Variants in PTPRS observed in about 807,000 individuals in gnomAD.
PTPRS encodes the protein protein tyrosine phosphatase receptor type S.
In PTPRS, 63 loss-of-function variants were observed where a neutral mutation model predicts 215.3. That is an observed-to-expected ratio of 0.29 (90% CI 0.24 to 0.36). The LOEUF is 0.36. Among genes scored for constraint, PTPRS ranks in the 10% least tolerant of loss-of-function variants. The pLI is 1.00. For synonymous variants in PTPRS, 1,404 were observed against 1,191.4 expected, an observed-to-expected ratio of 1.18 and a Z score of -3.68; for missense variants, 2,258 against 2,825.8, an observed-to-expected ratio of 0.80 and a Z score of 4.56.
At chr19:5,303,051 CAGAG>C (rs1268866453) in intron 1 of PTPRS, among the ~76,000 whole-genome samples, 28 of 152,150 alleles carry the variant, frequency 1.8e-4, no homozygotes, top group Admixed American at 1.6e-3. Context: ...GCCTGGGCGA[CAGAG>C]AGAGACCCCG....
rs1010969539 is a variant in PTPRS, at chr19:5,270,744, C to T, written c.379+2698G>A. ...CCTCCGCCTCCCGGGTTCAAGCAAT[C>T]CTCCTACCTCAGCCTCCCAAGAATC... On this transcript the variant is annotated intron_variant, in intron 4 of 37. Transcript: ENST00000262963. Among the ~76,000 whole-genome samples the T allele has an allele frequency of 7.4e-4, 113 of 152,242 alleles. 1 individual carries two copies. The highest frequency in any genetic ancestry group is 2.5e-3 in the African/African-American group (105 of 41,548).
At chr19:5,213,273 G>C (rs2041098108) in intron 30 of PTPRS, among the ~76,000 whole-genome samples, 1 of 143,900 alleles carries the variant, frequency 6.9e-6, no homozygotes, top group Non-Finnish European at 1.6e-5. Flanking sequence ...GTCAGATCTG[G>C]TACCTCCTCT....
rs185085320 is a variant in PTPRS, at chr19:5,238,068, G to C, written c.1849+851C>G. 1.6e-3 allele frequency among the ~76,000 whole-genome samples: 246 copies of C among 152,352 alleles called. 1 individual carries two copies. Among genetic ancestry groups the C allele is most frequent in the African/African-American group, 5.9e-3 (244 of 41,590 alleles). ...CTGACTGGGTGAAGGGAGGGAAGAG[G>C]GGGAAGCAGGGGGAGGCCACGACAG... On this transcript the variant is annotated intron_variant, in intron 13 of 37. Transcript: ENST00000262963.
At chr19:5,220,977 C>G (rs752110528) in intron 20 of PTPRS, 23 bp downstream of exon 20, 111 of 1,583,254 alleles carry the variant, frequency 7.0e-5, no homozygotes, top group Non-Finnish European at 8.9e-5. Flanking sequence ...GACAAGGAAC[C>G]CGGAGCATGG....
In PTPRS at chr19:5,208,231, G is replaced by T. The variant is rs1370103312; in HGVS notation, c.5642+6C>A. On this transcript the variant is annotated splice_donor_region_variant and intron_variant, in intron 36 of 37. Transcript: ENST00000262963. Reference sequence around the variant, plus strand: ...GCCAAAAGCTGGGACACTCGAGGGAGCTCACCTGCAGTGGACAGAGATGGG... The same window carrying T: ...GCCAAAAGCTGGGACACTCGAGGGATCTCACCTGCAGTGGACAGAGATGGG... The T allele has an allele frequency of 3.5e-5, 55 of 1,586,050 alleles. No homozygotes were observed. Among genetic ancestry groups the T allele is most frequent in the Non-Finnish European group, 4.7e-5 (55 of 1,163,712 alleles).
intron 11 of PTPRS, among the ~76,000 whole-genome samples, chr19:5,241,753 G>C (rs929770314): frequency 1.3e-5 from 2 of 152,264 alleles, no homozygotes; most frequent in African/African-American, 2.4e-5. Flanking sequence ...CAGAGAGCTG[G>C]GGTCCCCCAT....
intron 1 of PTPRS, among the ~76,000 whole-genome samples, chr19:5,312,671 A>T (rs1395172377): frequency 1.3e-5 from 2 of 152,194 alleles, no homozygotes; most frequent in Non-Finnish European, 2.9e-5. Context: ...TAAAAAAATT[A>T]AAAATAAAAA....
Position 5,209,216 on chromosome 19 carries a change from C to T in PTPRS, c.5488-825G>A, listed in dbSNP as rs547455965. Among the ~76,000 whole-genome samples the T allele has an allele frequency of 5.6e-4, 85 of 152,328 alleles. 1 individual carries two copies. The highest frequency in any genetic ancestry group is 1.1e-3 in the Non-Finnish European group (76 of 68,040). Reference sequence around the variant, plus strand: ...ACTGTCTTCATTCCCCACTACTCAACCATTCCTCTTTGCAGTCTCCTTTCC... The same window carrying T: ...ACTGTCTTCATTCCCCACTACTCAATCATTCCTCTTTGCAGTCTCCTTTCC... On this transcript the variant is annotated intron_variant, in intron 35 of 37. Transcript: ENST00000262963.
intron 1 of PTPRS, among the ~76,000 whole-genome samples, chr19:5,320,086 C>T (rs1171558395): frequency 6.6e-6 from 1 of 152,210 alleles, no homozygotes; most frequent in Non-Finnish European, 1.5e-5. Flanking sequence ...GTGGCTGCGG[C>T]CAAAGCAGCC....
Position 5,293,186 on chromosome 19 carries a change from G to C in PTPRS, c.-94-6952C>G, listed in dbSNP as rs1334295682. The C allele has an allele frequency of 6.6e-6, 1 of 151,686 alleles. No homozygotes were observed. Among genetic ancestry groups the C allele is most frequent in the Admixed American group, 6.6e-5 (1 of 15,264 alleles). 9.4% of individuals were successfully genotyped at this position (151,686 alleles called of 1,614,324 possible). A position where few individuals can be genotyped will look rare whatever the true frequency, so the allele number is the denominator to read the frequency against. ...CCCAGGCCCCGCGAGGCCTCCACAG[G>C]GCCCGCCGCAGCCGCTCCCCGCGTC... On this transcript the variant is annotated intron_variant, in intron 1 of 37. Transcript: ENST00000262963. The surrounding 1 kb of genome is among the most constrained non-coding windows in gnomAD (Gnocchi z 8.4).
intron 16 of PTPRS, among the ~76,000 whole-genome samples, chr19:5,226,618 A>G (rs965277213): frequency 6.6e-6 from 1 of 150,730 alleles, no homozygotes; most frequent in African/African-American, 2.4e-5. Context: ...GCGTGGTGGC[A>G]CATGCCTGTA....
chr19:5,260,161 T>C (rs542763559), intron 7 of PTPRS, among the ~76,000 whole-genome samples: 1 of 151,966 alleles, frequency 6.6e-6, no homozygotes, highest in East Asian at 1.9e-4. Flanking sequence ...AAGGCCCACT[T>C]TGCATGTTCG....
At position 5,206,842 on chromosome 19, in the gene PTPRS, C is replaced by T. The variant is rs1230180081; in HGVS notation, c.5779G>A (p.Asp1927Asn). 1 of 1,614,050 alleles carries T rather than the reference C, an allele frequency of 6.2e-7. No homozygotes were observed. Among genetic ancestry groups the T allele is most frequent in the Non-Finnish European group, 8.5e-7 (1 of 1,179,934 alleles). ...GCCTGGTAACAGAACTGGTACTCAT[C>T]CTGGGGGAGCAGAGGTGACCTGTTA... ...TQRPAMVQTE[D>N]EYQFCYQAAL... Residue 1927 changes from aspartate to asparagine, a missense_variant and splice_region_variant, in exon 38 of 38, where the codon GAT (aspartate) becomes AAT (asparagine). Transcript: ENST00000262963.
intron 1 of PTPRS, among the ~76,000 whole-genome samples, chr19:5,311,420 T>C (rs2049698411): frequency 6.6e-6 from 1 of 152,160 alleles, no homozygotes; most frequent in South Asian, 2.1e-4. Flanking sequence ...GGGCCTGGTA[T>C]ATAGGAGGTG....
intron 1 of PTPRS, among the ~76,000 whole-genome samples, chr19:5,321,956 T>C (rs750920080): frequency 9.9e-5 from 15 of 152,166 alleles, no homozygotes; most frequent in Non-Finnish European, 1.2e-4. Flanking sequence ...GATGTCCCCA[T>C]TTCACAAATA....
intron 1 of PTPRS, among the ~76,000 whole-genome samples, chr19:5,301,497 G>A (rs568350532): frequency 1.3e-5 from 2 of 152,032 alleles, no homozygotes; most frequent in African/African-American, 4.8e-5. Context: ...TGTATTTTTA[G>A]TAGAGACAGG....
At chr19:5,219,756 C>T (rs1599432511) in intron 22 of PTPRS, among the ~76,000 whole-genome samples, 183 bp downstream of exon 22, 1 of 152,328 alleles carries the variant, frequency 6.6e-6, no homozygotes, top group East Asian at 1.9e-4. Flanking sequence ...GCCCCAGCTC[C>T]AAGGTCTCTT....
At chr19:5,228,246 G>A (rs1268370085) in intron 16 of PTPRS, among the ~76,000 whole-genome samples, 1 of 148,428 alleles carries the variant, frequency 6.7e-6, no homozygotes, top group Non-Finnish European at 1.5e-5. Context: ...TCGGGAGGCT[G>A]AGACAGGAGA....
At position 5,211,957 on chromosome 19, in the gene PTPRS, G is replaced by A. The variant is rs746646983; in HGVS notation, c.5055+8C>T. ...CCCCGCCCACAGCAGCCTCCACCCCGCTGGCACCTTGAACTCGAGTTCCAT... is the reference window on the plus strand; with the variant it reads ...CCCCGCCCACAGCAGCCTCCACCCCACTGGCACCTTGAACTCGAGTTCCAT... On this transcript the variant is annotated splice_region_variant and intron_variant, in intron 32 of 37. Transcript: ENST00000262963. 43 of 1,585,370 alleles carry A rather than the reference G, an allele frequency of 2.7e-5. No individual in the cohort carries two copies. The highest frequency in any genetic ancestry group is 2.0e-4 in the Middle Eastern group (1 of 4,962).
Sources: gnomAD v4.1 joint callset for allele counts (sites outside exome capture counted in the v4.1 genomes callset) on GRCh38, gnomAD v4.1.1 for gene constraint, Gnocchi (gnomAD v3.1) non-coding constraint, MANE v1.5 for transcripts, NCBI Gene and HGNC (gene_info 2026-07-23, HGNC 2026-07-21) for gene names.